KLHL1: variants seen among roughly 807,000 people sequenced by gnomAD.
The protein encoded by KLHL1 is kelch-like protein 1.
A neutral mutation model predicts 77.7 loss-of-function variants in KLHL1; 47 were observed. The observed-to-expected ratio is 0.60, with a 90% CI of 0.48 to 0.77. The LOEUF (loss-of-function observed/expected upper bound fraction) is 0.77. Ranked by LOEUF, KLHL1 falls within the 30% of genes least tolerant of loss-of-function variation. The pLI is 0.00. For missense variants in KLHL1, 925 were observed against 910.8 expected (o/e 1.02, Z -0.20); for synonymous variants, 360 against 325.2 (o/e 1.11, Z -1.15).
intron 1 of KLHL1, among the ~76,000 whole-genome samples, chr13:69,987,902 C>T (rs11838519): frequency 0.16 from 23,663 of 151,648 alleles, 3,915 homozygotes; most frequent in African/African-American, 0.42. Flanking sequence ...GTAGAATAAA[C>T]TGCTACTTAC....
intron 6 of KLHL1, among the ~76,000 whole-genome samples, chr13:69,799,012 G>A (rs936001023): frequency 2.0e-5 from 3 of 151,858 alleles, no homozygotes; most frequent in Non-Finnish European, 4.4e-5. Context: ...TCCCTTGAAC[G>A]TGGGAGGCAG....
chr13:69,882,530 T>C, intron 4 of KLHL1, 35 bp from the exon 5 acceptor site: 5 of 1,453,022 alleles, frequency 3.4e-6, no homozygotes, highest in Non-Finnish European at 4.8e-6. Flanking sequence ...TAAATTCTGT[T>C]TCACTTTTAT....
intron 1 of KLHL1, among the ~76,000 whole-genome samples, chr13:70,092,854 T>C (rs78512939): frequency 0.16 from 23,913 of 152,124 alleles, 2,955 homozygotes; most frequent in African/African-American, 0.34. Flanking sequence ...ACGCTTTCAG[T>C]GCTTGATGAT....
intron 5 of KLHL1, among the ~76,000 whole-genome samples, chr13:69,840,532 T>G (rs1879204963): frequency 6.6e-6 from 1 of 151,836 alleles, no homozygotes; most frequent in East Asian, 1.9e-4. Flanking sequence ...CCCAGAACAG[T>G]TTTAATCTGA....
chr13:69,895,326 C>T (rs1392336705), intron 4 of KLHL1, among the ~76,000 whole-genome samples: 1 of 152,090 alleles, frequency 6.6e-6, no homozygotes, highest in Non-Finnish European at 1.5e-5. Flanking sequence ...ATTCTTGCCT[C>T]CTCCAGTATC....
At chr13:69,756,854 C>T (rs1358972276) in intron 7 of KLHL1, among the ~76,000 whole-genome samples, 3 of 151,982 alleles carry the variant, frequency 2.0e-5, no homozygotes, top group Non-Finnish European at 4.4e-5. Flanking sequence ...GTTAATAAAC[C>T]CCCTTTGTCC....
intron 7 of KLHL1, among the ~76,000 whole-genome samples, chr13:69,759,270 A>G (rs2137962273): frequency 6.6e-6 from 1 of 152,320 alleles, no homozygotes; most frequent in Admixed American, 6.5e-5. Context: ...AGATGTGTGC[A>G]AGGCTCTGGG....
chr13:70,001,988 A>G (rs1885304295), intron 1 of KLHL1, among the ~76,000 whole-genome samples: 1 of 151,614 alleles, frequency 6.6e-6, no homozygotes, highest in African/African-American at 2.4e-5. Flanking sequence ...ACTAGAAAAT[A>G]AAGTAAGAGC....
intron 8 of KLHL1, among the ~76,000 whole-genome samples, chr13:69,734,522 C>T (rs59338554): frequency 0.048 from 7,221 of 151,816 alleles, 502 homozygotes; most frequent in African/African-American, 0.16. Context: ...CTAAGTCAAA[C>T]GAAAATTATT....
chr13:69,720,476 G>T (rs1872994653), intron 8 of KLHL1, among the ~76,000 whole-genome samples: 1 of 152,028 alleles, frequency 6.6e-6, no homozygotes, highest in South Asian at 2.1e-4. Context: ...AAAAATCCAT[G>T]CACTCAATTC....
chr13:69,933,663 C>G (rs1056140216), intron 4 of KLHL1, among the ~76,000 whole-genome samples: 1 of 152,106 alleles, frequency 6.6e-6, no homozygotes, highest in African/African-American at 2.4e-5. Flanking sequence ...AGGTATGAGT[C>G]TTCCACCCTT....
chr13:69,799,657 C>G (rs1469159137), intron 6 of KLHL1, among the ~76,000 whole-genome samples: 1 of 152,150 alleles, frequency 6.6e-6, no homozygotes, highest in Non-Finnish European at 1.5e-5. Context: ...TGTTATCTTA[C>G]AGTTCAGGAG....
In KLHL1 at chr13:70,107,595, T is replaced by A; in HGVS notation, c.105A>T (p.Gly35=). ...PSPSTGGPAG[G]GCLQQDGSGS... ...CACTGCCGTCCTGTTGCAGGCAGCCTCCCCCCGCCGGGCCGCCGGTGGAAG... is the reference window on the plus strand; with the variant it reads ...CACTGCCGTCCTGTTGCAGGCAGCCACCCCCCGCCGGGCCGCCGGTGGAAG... The change falls in exon 1 of 11, where the codon GGA becomes GGT. Residue 35 remains glycine (G), a synonymous_variant. Coordinates refer to ENST00000377844, the MANE Select transcript of KLHL1 (RefSeq NM_020866.3). 1 of 1,596,522 alleles carries A rather than the reference T, an allele frequency of 6.3e-7. No homozygotes were observed. Among genetic ancestry groups the A allele is most frequent in the South Asian group, 1.1e-5 (1 of 88,448 alleles).
intron 4 of KLHL1, among the ~76,000 whole-genome samples, chr13:69,926,946 CAA>C (rs71116960): frequency 1.1e-4 from 4 of 36,032 alleles, no homozygotes; most frequent in East Asian, 1.1e-3. Context: ...GACTCCATCT[CAA>C]AAAAAAAAAA....
chr13:69,820,852 G>A (rs1010864446), intron 6 of KLHL1, among the ~76,000 whole-genome samples: 3 of 152,296 alleles, frequency 2.0e-5, no homozygotes, highest in East Asian at 1.9e-4. Flanking sequence ...CAAATGTGAC[G>A]TTTGGCACTA....
intron 1 of KLHL1, among the ~76,000 whole-genome samples, chr13:69,986,301 T>C (rs902932430): frequency 1.3e-5 from 2 of 152,034 alleles, no homozygotes; most frequent in Non-Finnish European, 2.9e-5. Context: ...ATTTATTACA[T>C]ATTTCGAAAT....
chr13:69,833,077 GCAA>G (rs1034872957), intron 6 of KLHL1, among the ~76,000 whole-genome samples: 58 of 151,966 alleles, frequency 3.8e-4, no homozygotes, highest in African/African-American at 1.3e-3. Context: ...CAAAGCAAAT[GCAA>G]CAACAACAAC....
At chr13:69,855,251 G>A (rs1368844523) in intron 5 of KLHL1, among the ~76,000 whole-genome samples, 2 of 151,684 alleles carry the variant, frequency 1.3e-5, no homozygotes, top group African/African-American at 4.8e-5. Flanking sequence ...ATGCCAGAAC[G>A]GCTGCTGGAC....
intron 2 of KLHL1, among the ~76,000 whole-genome samples, chr13:69,971,462 C>T (rs1212115911): frequency 6.6e-6 from 1 of 151,964 alleles, no homozygotes; most frequent in African/African-American, 2.4e-5. Context: ...GGTTTAATTT[C>T]CCAGTTATTT....
Sources: gnomAD v4.1 joint callset for allele counts (sites outside exome capture counted in the v4.1 genomes callset) on GRCh38, gnomAD v4.1.1 for gene constraint, MANE v1.5 for transcripts, NCBI Gene and HGNC (gene_info 2026-07-23, HGNC 2026-07-21) for gene names.